The following CUBN variants were observed in gnomAD, a reference collection of about 807,000 sequenced individuals.
CUBN encodes the protein 460 kDa receptor.
Under a neutral mutation model 405.3 loss-of-function variants are expected in CUBN, and 282 were observed. That is an observed-to-expected ratio of 0.70 (90% CI 0.63 to 0.77). The LOEUF is 0.77. Ranked by LOEUF, CUBN falls within the 30% of genes least tolerant of loss-of-function variation. The pLI is 0.00. For synonymous variants in CUBN, 1,684 were observed against 1,617.0 expected (o/e 1.04, Z -0.99); for missense variants, 4,514 against 4,475.2 (o/e 1.01, Z -0.25).
intron 31 of CUBN, among the ~76,000 whole-genome samples, chr10:16,960,213 C>T (rs919743030): frequency 2.0e-5 from 3 of 152,132 alleles, no homozygotes; most frequent in Non-Finnish European, 4.4e-5. Flanking sequence ...CATATGAGGC[C>T]GGGTGCAGTG....
rs768783941 is a variant in CUBN, at chr10:16,851,430, T to G, written c.9468A>C (p.Gly3156=). 6.2e-7 allele frequency: 1 copy of G among 1,614,050 alleles called. No individual in the cohort carries two copies. The highest frequency in any genetic ancestry group is 8.5e-7 in the Non-Finnish European group (1 of 1,179,978). Reference sequence around the variant, plus strand: ...TCGAGCCTGTCAGATAACCACCACATCCTTGCTGAGGCCCTGCATTAAAAC... The same window carrying G: ...TCGAGCCTGTCAGATAACCACCACAGCCTTGCTGAGGCCCTGCATTAAAAC... The part of the protein sequence containing the change: ...SFRQTLGPQQ[G]CGGYLTGSNN... Residue 3156 remains glycine (G), a synonymous_variant, in exon 60 of 67, where the codon GGA becomes GGC. Coordinates refer to ENST00000377833, the MANE Select transcript of CUBN (RefSeq NM_001081.4).
At chr10:16,854,437 ATCAGGATGCACTTGCTAATCAAG>A (rs1564387384) in intron 59 of CUBN, among the ~76,000 whole-genome samples, 1 of 152,150 alleles carries the variant, frequency 6.6e-6, no homozygotes, top group African/African-American at 2.4e-5. Context: ...AAGTGGTAGA[ATCAGGATGCACTTGCTAATCAAG>A]TCTGATCTAA....
chr10:17,123,625 T>C lies in CUBN; in HGVS notation c.452A>G (p.His151Arg). The change falls in exon 5 of 67, where the codon CAT (histidine) becomes CGT (arginine). Residue 151 changes from histidine (H) to arginine (R), a missense_variant. By Grantham distance (29) the His-to-Arg change is conservative. Transcript: ENST00000377833. ...CQNGGTCLNL[H>R]DSFFCICPPQ... ...GGGACAGATACAAAAAAAGGAATCA[T>C]GCAGATTGAGGCAGGTTCCACCATT... 1.2e-6 allele frequency: 2 copies of C among 1,614,104 alleles called. No individual in the cohort carries two copies. Among genetic ancestry groups the C allele is most frequent in the East Asian group, 2.2e-5 (1 of 44,876 alleles).
At chr10:16,841,639 C>T (rs1839352138) in intron 60 of CUBN, among the ~76,000 whole-genome samples, 1 of 152,174 alleles carries the variant, frequency 6.6e-6, no homozygotes. Flanking sequence ...TTGAGCCAAA[C>T]CAGGTGTGTT....
intron 31 of CUBN, among the ~76,000 whole-genome samples, chr10:16,961,704 C>CTTTTTT (rs138499807): frequency 5.8e-4 from 43 of 74,048 alleles, no homozygotes; most frequent in Non-Finnish European, 6.4e-4. Context: ...AAAGCAATCC[C>CTTTTTT]TTTTTTTTTT....
chr10:17,101,747 C>A (rs1467065153), intron 13 of CUBN, among the ~76,000 whole-genome samples: 1 of 152,122 alleles, frequency 6.6e-6, no homozygotes, highest in African/African-American at 2.4e-5. Context: ...GAGTGACAGG[C>A]TGTGGAGGTG....
chr10:16,923,758 AC>A (rs1842104917), intron 43 of CUBN, among the ~76,000 whole-genome samples: 1 of 152,194 alleles, frequency 6.6e-6, no homozygotes. Context: ...CTAAATGTTG[AC>A]TTTAAAAATA....
At chr10:16,865,013 T>A (rs552561019) in intron 59 of CUBN, among the ~76,000 whole-genome samples, 1 of 123,690 alleles carries the variant, frequency 8.1e-6, no homozygotes, top group Admixed American at 1.0e-4. Flanking sequence ...CAGGCTGGAG[T>A]GCAATGGTGC....
chr10:17,097,152 T>C (rs1836393761), intron 14 of CUBN, among the ~76,000 whole-genome samples: 1 of 151,924 alleles, frequency 6.6e-6, no homozygotes, highest in African/African-American at 2.4e-5. Context: ...ACGGAGCCAA[T>C]AGTTGGAATT....
At position 16,890,359 on chromosome 10, in the gene CUBN, A is replaced by G; in HGVS notation, c.8755+12T>C. Reference sequence around the variant, plus strand: ...GCAAAGACCTCTGGGTTTGGTTCTTAGGGCTACTTACGGCTAACAAAGGAC... The same window carrying G: ...GCAAAGACCTCTGGGTTTGGTTCTTGGGGCTACTTACGGCTAACAAAGGAC... On this transcript the variant is annotated intron_variant, in intron 55 of 66. Transcript: ENST00000377833. 1.2e-6 allele frequency: 2 copies of G among 1,612,350 alleles called. No individual in the cohort carries two copies. The highest frequency in any genetic ancestry group is 1.1e-5 in the South Asian group (1 of 91,004).
chr10:16,833,359 C>T (rs142584826), intron 64 of CUBN, among the ~76,000 whole-genome samples: 155 of 152,346 alleles, frequency 1.0e-3, no homozygotes, highest in African/African-American at 3.4e-3. Context: ...ATACATCTTT[C>T]GGTCTCCTGT....
chr10:17,117,106 G>T (rs1367366445), intron 6 of CUBN, among the ~76,000 whole-genome samples: 1 of 151,988 alleles, frequency 6.6e-6, no homozygotes, highest in African/African-American at 2.4e-5. Context: ...AAATTAAAGA[G>T]AAATTGAATT....
intron 31 of CUBN, among the ~76,000 whole-genome samples, chr10:16,973,497 C>CT (rs769861912): frequency 2.9e-4 from 44 of 152,198 alleles, no homozygotes; most frequent in Non-Finnish European, 1.2e-4. Flanking sequence ...TTCTAAAAAC[C>CT]TTTCACCTTA....
intron 34 of CUBN, among the ~76,000 whole-genome samples, chr10:16,949,460 TGTGTA>T (rs1229661857): frequency 1.7e-3 from 113 of 64,732 alleles, no homozygotes; most frequent in Non-Finnish European, 2.7e-3. Flanking sequence ...TGTGTGTGTG[TGTGTA>T]GTGTGTGTGT....
At position 16,954,517 on chromosome 10, in the gene CUBN, C is replaced by T. The variant is rs201923548; in HGVS notation, c.4727G>A (p.Arg1576His). The T allele has an allele frequency of 2.0e-5, 33 of 1,613,838 alleles. No individual in the cohort carries two copies. The highest frequency in any genetic ancestry group is 6.7e-5 in the East Asian group (3 of 44,872). ...CTCCCTTCCACACGTCCTGGCAAGGCGGGACATTGTGGAGCTTAAGCCATC... is the reference window on the plus strand; with the variant it reads ...CTCCCTTCCACACGTCCTGGCAAGGTGGGACATTGTGGAGCTTAAGCCATC... Reference protein sequence around the residue: ...AYDGLSSTMSRLARTCGREQL... With the variant: ...AYDGLSSTMSHLARTCGREQL... Residue 1576 changes from arginine to histidine, a missense_variant, in exon 32 of 67, where the codon CGC becomes CAC. By Grantham distance (29) the Arg-to-His change is conservative. Transcript: ENST00000377833.
At chr10:17,026,036 G>A (rs1176299202) in intron 27 of CUBN, among the ~76,000 whole-genome samples, 2 of 152,156 alleles carry the variant, frequency 1.3e-5, no homozygotes, top group Non-Finnish European at 2.9e-5. Flanking sequence ...ATCTCTTCCT[G>A]TTGCAGCCTC....
intron 28 of CUBN, among the ~76,000 whole-genome samples, chr10:17,001,451 A>G (rs1276249842): frequency 6.6e-6 from 1 of 152,212 alleles, no homozygotes; most frequent in Non-Finnish European, 1.5e-5. Flanking sequence ...CTGTTTTTAC[A>G]GAGTGCTGAT....
chr10:16,998,238 G>A (rs6602171), intron 28 of CUBN, among the ~76,000 whole-genome samples: 35,599 of 151,818 alleles, frequency 0.23, 4,295 homozygotes, highest in East Asian at 0.37. Context: ...GGCAGATGCA[G>A]TCAAGTTAAA....
Position 16,897,619 on chromosome 10 carries a change from T to G in CUBN, c.8598+1377A>C, listed in dbSNP as rs919740488. Among the ~76,000 whole-genome samples the G allele has an allele frequency of 3.3e-5, 5 of 152,172 alleles. No homozygotes were observed. In the South Asian group the frequency reaches 1.0e-3, roughly 32 times the overall value. On this transcript the variant is annotated intron_variant, in intron 54 of 66. Transcript: ENST00000377833. ...CTGTGACTGGGACCCATTTTTCCAG[T>G]CCCACCTACCCTGGTGTCTCTGGGT...
Sources: allele counts gnomAD v4.1 joint callset (sites outside exome capture counted in the v4.1 genomes callset), GRCh38; gene constraint gnomAD v4.1.1; transcripts MANE v1.5; gene names NCBI Gene and HGNC (gene_info 2026-07-23, HGNC 2026-07-21).